RAI1: variants seen among roughly 807,000 people sequenced by gnomAD.
The protein encoded by RAI1 is retinoic acid induced 1.
A neutral mutation model predicts 123.8 loss-of-function variants in RAI1; 9 were observed. The observed-to-expected ratio is 0.07, with a 90% CI of 0.04 to 0.13. The LOEUF (loss-of-function observed/expected upper bound fraction) is 0.13, where lower values mean the gene tolerates loss of function less well. RAI1 is among the 10% of genes least tolerant of loss of function. The pLI is 1.00. For missense variants in RAI1, 2,256 were observed against 2,545.8 expected (o/e 0.89, Z 2.45); for synonymous variants, 1,231 against 1,127.3 (o/e 1.09, Z -1.84).
chr17:17,717,521 G>A (rs886166088), intron 1 of RAI1, among the ~76,000 whole-genome samples: 2 of 152,088 alleles, frequency 1.3e-5, no homozygotes, highest in African/African-American at 4.8e-5. Context: ...GGCACCCTCT[G>A]GTGCCTAACC....
Position 17,795,156 on chromosome 17 carries a change from C to T in RAI1, c.2208C>T (p.Ser736=). The change falls in exon 3 of 6, where the codon AGC becomes AGT. Residue 736 remains serine, a synonymous_variant. Coordinates refer to ENST00000353383, the MANE Select transcript of RAI1 (RefSeq NM_030665.4). The surrounding 1 kb of genome is among the most constrained non-coding windows in gnomAD (Gnocchi z 5.9). ...GTTTCCCGGACACAACCGCTGCCAG[C>T]TCAGCGGACAGCGCCAACCCCTTTG... ...FDCFPDTTAA[S]SADSANPFAW... 1.2e-6 allele frequency: 2 copies of T among 1,614,054 alleles called. No individual in the cohort carries two copies. The highest frequency in any genetic ancestry group is 1.1e-5 in the South Asian group (1 of 91,074).
At chr17:17,782,612 C>T (rs1598077790) in intron 2 of RAI1, among the ~76,000 whole-genome samples, 1 of 60,528 alleles carries the variant, frequency 1.7e-5, no homozygotes, top group African/African-American at 6.6e-5. Context: ...GTTTGAGCCA[C>T]GGGGGCGGGG....
Position 17,793,598 on chromosome 17 carries a change from C to G in RAI1, c.650C>G (p.Pro217Arg), listed in dbSNP as rs1431517551. 1.2e-6 allele frequency: 2 copies of G among 1,613,524 alleles called. No individual in the cohort carries two copies. Among genetic ancestry groups the G allele is most frequent in the African/African-American group, 1.3e-5 (1 of 74,910 alleles). Residue 217 changes from proline (P) to arginine (R), a missense_variant, in exon 3 of 6, where the codon CCC becomes CGC. Pro to Arg is a moderately radical substitution (Grantham distance 103). Transcript: ENST00000353383. ...TTTCCTCAGCATTCCCAGTCCTTCC[C>G]CACCTCCTCCACCTACTCCTCCTCT... Reference protein sequence around the residue: ...THFPQHSQSFPTSSTYSSSVQ... With the variant: ...THFPQHSQSFRTSSTYSSSVQ...
chr17:17,703,683 G>A (rs890710539), intron 1 of RAI1, among the ~76,000 whole-genome samples: 8 of 152,040 alleles, frequency 5.3e-5, no homozygotes, highest in African/African-American at 1.7e-4. Context: ...TCTGTTTGCC[G>A]AGGCTGGAGT....
chr17:17,758,858 C>T (rs980469846), intron 2 of RAI1, among the ~76,000 whole-genome samples: 1 of 152,048 alleles, frequency 6.6e-6, no homozygotes, highest in Non-Finnish European at 1.5e-5. Context: ...TATGCAAAGG[C>T]CCAGGGGTAT....
chr17:17,695,144 C>T (rs189669818), intron 1 of RAI1, among the ~76,000 whole-genome samples: 5 of 152,296 alleles, frequency 3.3e-5, no homozygotes, highest in Admixed American at 6.5e-5. Flanking sequence ...AAAGTGGAGG[C>T]CAGGCGGCCT....
chr17:17,779,068 A>G (rs2031462815), intron 2 of RAI1: 1 of 364,800 alleles, frequency 2.7e-6, no homozygotes, highest in African/African-American at 2.1e-5. Context: ...ACTCTTAAAC[A>G]CCTTCGCATT....
chr17:17,786,298 T>A (rs1057470728), intron 2 of RAI1, among the ~76,000 whole-genome samples: 5 of 152,236 alleles, frequency 3.3e-5, no homozygotes, highest in African/African-American at 9.6e-5. Flanking sequence ...CACTGCTCTT[T>A]CTGGATATTT....
intron 2 of RAI1, among the ~76,000 whole-genome samples, chr17:17,732,787 G>A (rs1246073392): frequency 6.6e-6 from 1 of 152,186 alleles, no homozygotes; most frequent in African/African-American, 2.4e-5. Context: ...GCTCCTGCCT[G>A]TCTCCTTGGC....
rs966563001 is a variant in RAI1 at position 17,694,931 on chromosome 17, A to G, written c.-149+13138A>G. ...GCGTTGCGGCCGGCGCTTGCGGGTT[A>G]CCGGGCCAGGCGGCGCGCATCTCTG... On this transcript the variant is annotated intron_variant, in intron 1 of 5. Coordinates refer to ENST00000353383, the MANE Select transcript of RAI1 (RefSeq NM_030665.4). Among the ~76,000 whole-genome samples the G allele has an allele frequency of 1.4e-4, 21 of 152,028 alleles. 1 individual carries two copies. The highest frequency in any genetic ancestry group is 4.8e-4 in the African/African-American group (20 of 41,502).
At chr17:17,702,818 A>C (rs981381265) in intron 1 of RAI1, among the ~76,000 whole-genome samples, 1 of 152,220 alleles carries the variant, frequency 6.6e-6, no homozygotes, top group Non-Finnish European at 1.5e-5. Flanking sequence ...CACTGAGGCC[A>C]GTCGGGGTGA....
chr17:17,729,716 G>A (rs1289369745), intron 2 of RAI1, among the ~76,000 whole-genome samples: 5 of 152,210 alleles, frequency 3.3e-5, no homozygotes, highest in African/African-American at 7.2e-5. Context: ...CTGTCCATCC[G>A]TTCAGGGCAC....
chr17:17,794,293 G>A lies in RAI1; in HGVS notation c.1345G>A (p.Val449Ile), dbSNP rs755492073. The A allele has an allele frequency of 1.9e-5, 31 of 1,613,100 alleles. No homozygotes were observed. The highest frequency in any genetic ancestry group is 3.3e-5 in the Admixed American group (2 of 60,010). The change falls in exon 3 of 6, where the codon GTC (valine) becomes ATC (isoleucine). Residue 449 changes from valine (V) to isoleucine (I), a missense_variant. Coordinates refer to ENST00000353383, the MANE Select transcript of RAI1 (RefSeq NM_030665.4). ...TSQVENISNT[V>I]QQLLLSKAAV... ...ACAGGTGGAGAACATCTCCAACACC[G>A]TCCAGCAGCTGCTGCTCTCCAAGGC...
chr17:17,764,283 G>A (rs2030825085), intron 2 of RAI1, among the ~76,000 whole-genome samples: 1 of 152,134 alleles, frequency 6.6e-6, no homozygotes, highest in Admixed American at 6.5e-5. Flanking sequence ...CGAATCATAG[G>A]TGGACAGCTG....
chr17:17,738,468 G>C (rs1916512186), intron 2 of RAI1, among the ~76,000 whole-genome samples: 1 of 152,164 alleles, frequency 6.6e-6, no homozygotes, highest in Admixed American at 6.5e-5. Flanking sequence ...GCTGGGAGGA[G>C]CCTCCGCCAC....
chr17:17,794,753 T>C lies in RAI1; in HGVS notation c.1805T>C (p.Leu602Pro). ...TGTCCGCGGCTGCTGCTCAGCGCCC[T>C]GGCACAGGAGGACCTGGCCTCCGAG... Reference protein sequence around the residue: ...RDCPRLLLSALAQEDLASEIL... With the variant: ...RDCPRLLLSAPAQEDLASEIL... The change falls in exon 3 of 6, where the codon CTG (leucine) becomes CCG (proline). Residue 602 changes from leucine (L) to proline (P), a missense_variant. By Grantham distance (98) the Leu-to-Pro change is moderately conservative. This residue lies in a region of RAI1 where 357 missense variants were observed against 480.2 expected (regional missense o/e 0.74). Coordinates refer to ENST00000353383, the MANE Select transcript of RAI1 (RefSeq NM_030665.4). 1 of 1,612,748 alleles carries C rather than the reference T, an allele frequency of 6.2e-7. No individual in the cohort carries two copies. Among genetic ancestry groups the C allele is most frequent in the Non-Finnish European group, 8.5e-7 (1 of 1,180,024 alleles).
chr17:17,683,711 C>T (rs1294374724), intron 1 of RAI1: 1 of 152,254 alleles, frequency 6.6e-6, no homozygotes, highest in Admixed American at 6.5e-5. Flanking sequence ...AAGGTGAGAT[C>T]CAGGCCCCAG....
chr17:17,683,396 G>C (rs969553552), intron 1 of RAI1: 3 of 152,246 alleles, frequency 2.0e-5, no homozygotes, highest in African/African-American at 7.2e-5. Context: ...CCCACCCCAG[G>C]TGGGGGGCAG....
chr17:17,790,915 C>T (rs1430669871), intron 2 of RAI1, among the ~76,000 whole-genome samples: 1 of 152,208 alleles, frequency 6.6e-6, no homozygotes, highest in Non-Finnish European at 1.5e-5. Flanking sequence ...GCTGCCAGAC[C>T]AGAACCAAGT....
Sources: gnomAD v4.1 joint callset for allele counts (sites outside exome capture counted in the v4.1 genomes callset) on GRCh38, gnomAD v4.1.1 for gene constraint, gnomAD v4.1.1 regional missense constraint, Gnocchi (gnomAD v3.1) non-coding constraint, MANE v1.5 for transcripts, NCBI Gene and HGNC (gene_info 2026-07-23, HGNC 2026-07-21) for gene names.